SMC1B: variants seen among roughly 807,000 people sequenced by gnomAD.
SMC1B encodes structural maintenance of chromosomes 1B, also known as structural maintenance of chromosomes protein 1B.
Under a neutral mutation model 157.9 loss-of-function variants are expected in SMC1B, and 60 were observed. That is an observed-to-expected ratio of 0.38 (90% CI 0.31 to 0.47). The LOEUF is 0.47. Ranked by LOEUF, SMC1B falls within the 20% of genes least tolerant of loss-of-function variation. The probability of loss-of-function intolerance (pLI) is 0.99; values close to 1 mark genes in which losing one functional copy is unlikely to be tolerated. For missense variants in SMC1B, 1,165 were observed against 1,426.2 expected, an observed-to-expected ratio of 0.82 and a Z score of 2.95; for synonymous variants, 445 against 483.0, an observed-to-expected ratio of 0.92 and a Z score of 1.03.
chr22:45,412,175 C>T (rs910403940), intron 1 of SMC1B, among the ~76,000 whole-genome samples: 7 of 151,640 alleles, frequency 4.6e-5, no homozygotes, highest in African/African-American at 1.7e-4. Flanking sequence ...CCACGGCGCC[C>T]GGCCAATTTT....
At chr22:45,386,796 G>A in intron 11 of SMC1B, 71 bp downstream of exon 11, 1 of 1,334,224 alleles carries the variant, frequency 7.5e-7, no homozygotes, top group South Asian at 1.4e-5. Context: ...ATTTGTGTGT[G>A]TTTGTGTATG....
chr22:45,383,885 T>C (rs1336462766), intron 11 of SMC1B, among the ~76,000 whole-genome samples: 1 of 152,212 alleles, frequency 6.6e-6, no homozygotes, highest in African/African-American at 2.4e-5. Context: ...TTTTTCCTAT[T>C]ATACACAATG....
At chr22:45,380,306 T>C (rs966683657) in intron 12 of SMC1B, among the ~76,000 whole-genome samples, 2 of 152,186 alleles carry the variant, frequency 1.3e-5, no homozygotes, top group Non-Finnish European at 2.9e-5. Flanking sequence ...ATGTGTGTTA[T>C]TGTGGGCCCT....
Sources: allele counts gnomAD v4.1 joint callset (sites outside exome capture counted in the v4.1 genomes callset), GRCh38; gene constraint gnomAD v4.1.1; transcripts MANE v1.5; gene names NCBI Gene and HGNC (gene_info 2026-07-23, HGNC 2026-07-21).